SLC8A1: variants seen among roughly 807,000 people sequenced by gnomAD.
SLC8A1 encodes the protein solute carrier family 8 member A1, also known as sodium/calcium exchanger 1.
A neutral mutation model predicts 68.3 loss-of-function variants in SLC8A1; 18 were observed. The ratio of observed to expected loss-of-function variants is 0.26; its 90% confidence interval spans 0.18 to 0.39. SLC8A1 has a LOEUF of 0.39. SLC8A1 is among the 10% of genes least tolerant of loss of function. SLC8A1 has a pLI of 1.00. For missense variants in SLC8A1, 985 were observed against 1,156.7 expected (o/e 0.85, Z 2.15); for synonymous variants, 475 against 415.5 (o/e 1.14, Z -1.74).
At chr2:40,508,917 T>C (rs1327143769) in intron 1 of SLC8A1, among the ~76,000 whole-genome samples, 1 of 152,104 alleles carries the variant, frequency 6.6e-6, no homozygotes, top group Non-Finnish European at 1.5e-5. Context: ...AACATTTAAT[T>C]CCTCAGGGGT....
At position 40,164,855 on chromosome 2, in the gene SLC8A1, T is replaced by C. The variant is rs1428369815; in HGVS notation, c.2060A>G (p.Lys687Arg). The C allele has an allele frequency of 5.6e-6, 9 of 1,613,630 alleles. No homozygotes were observed. In the African/African-American group the frequency reaches 1.2e-4, roughly 22 times the overall value. The change falls in exon 5 of 8, where the codon AAG becomes AGG. Residue 687 changes from lysine (K) to arginine (R), a missense_variant and splice_region_variant. By Grantham distance (26) the Lys-to-Arg change is conservative. Coordinates refer to ENST00000406785, the Ensembl canonical transcript of SLC8A1. ...GGTGGGCAGTGTTGGTGAGCATACC[T>C]TGAATTCATAGGATTCTTCAATGAT...
intron 2 of SLC8A1, among the ~76,000 whole-genome samples, chr2:40,356,772 A>C (rs1672782440): frequency 1.3e-5 from 2 of 152,210 alleles, no homozygotes; most frequent in Admixed American, 6.5e-5. Flanking sequence ...TCAGGCTGTC[A>C]ACTCTCCCAA....
At chr2:40,460,697 G>A (rs1367583541) in intron 1 of SLC8A1, among the ~76,000 whole-genome samples, 1 of 151,486 alleles carries the variant, frequency 6.6e-6, no homozygotes. Flanking sequence ...CAGCCTCCCC[G>A]AGTAGCTGGG....
intron 1 of SLC8A1, among the ~76,000 whole-genome samples, chr2:40,461,817 A>G (rs1290615715): frequency 2.0e-5 from 3 of 152,096 alleles, no homozygotes; most frequent in African/African-American, 4.8e-5. Context: ...TTGATTTTTC[A>G]TGTGTATTTT....
At chr2:40,346,134 C>A (rs1230688191) in intron 2 of SLC8A1, among the ~76,000 whole-genome samples, 1 of 149,084 alleles carries the variant, frequency 6.7e-6, no homozygotes, top group Non-Finnish European at 1.5e-5. Flanking sequence ...CTGCTCAGAA[C>A]CAGAAAGAGT....
chr2:40,509,562 T>G (rs1706580246), intron 1 of SLC8A1, among the ~76,000 whole-genome samples: 1 of 151,504 alleles, frequency 6.6e-6, no homozygotes, highest in African/African-American at 2.4e-5. Context: ...TACTCTTACT[T>G]TCATACAAAC....
intron 1 of SLC8A1, among the ~76,000 whole-genome samples, chr2:40,473,456 A>G (rs1353494343): frequency 1.3e-5 from 2 of 152,166 alleles, no homozygotes; most frequent in Non-Finnish European, 2.9e-5. Context: ...TCCATAGCAC[A>G]TAACAGTTTC....
chr2:40,371,617 A>G (rs181379205), intron 2 of SLC8A1, among the ~76,000 whole-genome samples: 3 of 152,274 alleles, frequency 2.0e-5, no homozygotes, highest in East Asian at 1.9e-4. Context: ...TGAATGCTCA[A>G]TAAATCCTAG....
intron 2 of SLC8A1, among the ~76,000 whole-genome samples, chr2:40,229,213 G>GA (rs1487763901): frequency 6.6e-6 from 1 of 151,966 alleles, no homozygotes; most frequent in Non-Finnish European, 1.5e-5. Context: ...AAATTGAGTG[G>GA]AAGAGGTATC....
chr2:40,238,493 T>C (rs424556), intron 2 of SLC8A1, among the ~76,000 whole-genome samples: 123,227 of 151,944 alleles, frequency 0.81, 50,766 homozygotes, highest in Admixed American at 0.87. Context: ...CACTGACCTG[T>C]GCCCACTGTC....
chr2:40,456,621 A>T (rs1270805560), upstream of SLC8A1, among the ~76,000 whole-genome samples: 1 of 152,220 alleles, frequency 6.6e-6, no homozygotes, highest in Non-Finnish European at 1.5e-5. Context: ...TTTGGAAAAC[A>T]TGGATCATAA....
At chr2:40,293,211 A>G (rs2069662679) in intron 2 of SLC8A1, among the ~76,000 whole-genome samples, 1 of 152,142 alleles carries the variant, frequency 6.6e-6, no homozygotes, top group African/African-American at 2.4e-5. Context: ...TTTTCTCACA[A>G]TCTGCATTTG....
chr2:40,299,821 C>T (rs1178339742), intron 2 of SLC8A1, among the ~76,000 whole-genome samples: 1 of 152,114 alleles, frequency 6.6e-6, no homozygotes, highest in East Asian at 1.9e-4. Flanking sequence ...AAGTGAATTG[C>T]CAAGGAGCAG....
chr2:40,235,802 T>C (rs2060285188), intron 2 of SLC8A1, among the ~76,000 whole-genome samples: 1 of 149,780 alleles, frequency 6.7e-6, no homozygotes, highest in East Asian at 2.0e-4. Flanking sequence ...ATGTTGTGTC[T>C]TTGTTCTCGT....
intron 2 of SLC8A1, among the ~76,000 whole-genome samples, chr2:40,381,553 C>T (rs575237432): frequency 7.9e-5 from 12 of 152,010 alleles, no homozygotes; most frequent in African/African-American, 2.4e-4. Context: ...TTTTACCTGG[C>T]CCCATTCTTC....
chr2:40,447,131 A>G (rs541960331), intron 1 of SLC8A1, among the ~76,000 whole-genome samples: 1 of 152,318 alleles, frequency 6.6e-6, no homozygotes, highest in South Asian at 2.1e-4. Flanking sequence ...AGTTTCCTAG[A>G]TCTATTACAT....
At chr2:40,291,480 G>A (rs2069308330) in intron 2 of SLC8A1, among the ~76,000 whole-genome samples, 1 of 152,058 alleles carries the variant, frequency 6.6e-6, no homozygotes, top group African/African-American at 2.4e-5. Flanking sequence ...AAAAAGCCCA[G>A]GGCGCCAACA....
intron 2 of SLC8A1, among the ~76,000 whole-genome samples, chr2:40,284,460 G>T (rs1482908851): frequency 2.9e-5 from 4 of 140,340 alleles, no homozygotes; most frequent in Admixed American, 2.1e-4. Flanking sequence ...TATATCTATA[G>T]ATATATATCT....
At chr2:40,364,450 C>CAAA (rs397829947) in intron 2 of SLC8A1, among the ~76,000 whole-genome samples, 97 of 144,922 alleles carry the variant, frequency 6.7e-4, no homozygotes, top group East Asian at 5.5e-3. Flanking sequence ...GCAAGTAAAA[C>CAAA]AAAAAAAAAA....
Sources: gnomAD v4.1 joint callset for allele counts (sites outside exome capture counted in the v4.1 genomes callset) on GRCh38, gnomAD v4.1.1 for gene constraint, MANE v1.5 for transcripts, NCBI Gene and HGNC (gene_info 2026-07-23, HGNC 2026-07-21) for gene names.